CEP295: variants seen among roughly 807,000 people sequenced by gnomAD.
CEP295 encodes centrosomal protein of 295 kDa.
In CEP295, 190 loss-of-function variants were observed where a neutral mutation model predicts 291.6. That is an observed-to-expected ratio of 0.65 (90% CI 0.58 to 0.73). The LOEUF is 0.73. Ranked by LOEUF, CEP295 falls within the 30% of genes least tolerant of loss-of-function variation. CEP295 has a pLI of 0.00. For synonymous variants in CEP295, 993 were observed against 1,038.8 expected (o/e 0.96, Z 0.85); for missense variants, 2,863 against 2,949.4 (o/e 0.97, Z 0.68).
At chr11:93,691,595 G>A (rs1267857605) in intron 10 of CEP295, 88 bp from the exon 11 acceptor site, 1 of 797,360 alleles carries the variant, frequency 1.3e-6, no homozygotes, top group African/African-American at 1.7e-5. Context: ...GCCCTAGATT[G>A]AATGTGTTAA....
intron 26 of CEP295, 27 bp downstream of exon 26, chr11:93,729,557 C>T (rs1261971652): frequency 1.0e-5 from 16 of 1,549,668 alleles, no homozygotes; most frequent in Non-Finnish European, 1.4e-5. Flanking sequence ...CTCCACACTT[C>T]TAATGGAAAG....
In CEP295 at chr11:93,668,956, A is replaced by G. The variant is rs1256413433; in HGVS notation, c.434+24A>G. On this transcript the variant is annotated intron_variant, in intron 4 of 29. Coordinates refer to ENST00000325212, the MANE Select transcript of CEP295 (RefSeq NM_033395.2). ...TGGTAAAGTAATAATTTTTACTATA[A>G]TCTCAACTGAAACTAACATGGTTGA... 3 of 989,212 alleles carry G rather than the reference A, an allele frequency of 3.0e-6. No individual in the cohort carries two copies. The Admixed American group carries it at 8.4e-5, about 28-fold the overall frequency. 61.3% of individuals were successfully genotyped at this position (989,212 alleles called of 1,614,324 possible).
chr11:93,724,949 C>T (rs935996606), intron 22 of CEP295, among the ~76,000 whole-genome samples: 1 of 151,974 alleles, frequency 6.6e-6, no homozygotes. Flanking sequence ...TAATGTGGAA[C>T]CAACTTTGAA....
Position 93,699,644 on chromosome 11 carries a change from A to G in CEP295, c.4732A>G (p.Ser1578Gly). The G allele has an allele frequency of 6.4e-7, 1 of 1,551,646 alleles. No individual in the cohort carries two copies. Among genetic ancestry groups the G allele is most frequent in the African/African-American group, 1.4e-5 (1 of 73,176 alleles). Residue 1578 changes from serine to glycine, a missense_variant, in exon 15 of 30, where the codon AGT becomes GGT. Around this residue, in one of 3 missense-constraint regions of CEP295, gnomAD observed 2,295 missense variants for 2,335.7 expected, o/e 0.98. Transcript: ENST00000325212. ...CAAAAGTAATGATACTCTTCCCTCAAGTCATCGTGAGATTCCAAGATTACA... is the reference window on the plus strand; with the variant it reads ...CAAAAGTAATGATACTCTTCCCTCAGGTCATCGTGAGATTCCAAGATTACA... Reference protein sequence around the residue: ...PTKSNDTLPSSHREIPRLQDR... With the variant: ...PTKSNDTLPSGHREIPRLQDR...
At chr11:93,673,958 T>TG (rs1360851362) in intron 5 of CEP295, among the ~76,000 whole-genome samples, 1 of 151,904 alleles carries the variant, frequency 6.6e-6, no homozygotes, top group African/African-American at 2.4e-5. Flanking sequence ...CCTTCTTTTT[T>TG]TTTTTTCTTT....
Position 93,727,434 on chromosome 11 carries a change from G to T in CEP295, c.6958G>T (p.Asp2320Tyr). 2 of 1,551,848 alleles carry T rather than the reference G, an allele frequency of 1.3e-6. No individual in the cohort carries two copies. The highest frequency in any genetic ancestry group is 1.7e-6 in the Non-Finnish European group (2 of 1,146,988). ...CATAAATCCACAGGTAGAGGAAACT[G>T]ACTCTCGATTATGTGTAAGAACAGT... Reference protein sequence around the residue: ...LDINPQVEETDSRLCVRTVEM... With the variant: ...LDINPQVEETYSRLCVRTVEM... The change falls in exon 24 of 30, where the codon GAC becomes TAC. Residue 2320 changes from aspartate (D) to tyrosine (Y), a missense_variant. By Grantham distance (160) the Asp-to-Tyr change is radical. Transcript: ENST00000325212.
chr11:93,727,235 A>G lies in CEP295; in HGVS notation c.6759A>G (p.Val2253=), dbSNP rs1263509652. ...DEANVFDQLN[V]QHSTPCGSNS... ...CTAATGTATTTGATCAGTTAAATGTACAGCATAGCACTCCATGTGGTTCTA... is the reference window on the plus strand; with the variant it reads ...CTAATGTATTTGATCAGTTAAATGTGCAGCATAGCACTCCATGTGGTTCTA... Residue 2253 remains valine (V), a synonymous_variant, in exon 24 of 30, where the codon GTA becomes GTG. Coordinates refer to ENST00000325212, the MANE Select transcript of CEP295 (RefSeq NM_033395.2). 2 of 1,551,752 alleles carry G rather than the reference A, an allele frequency of 1.3e-6. No individual in the cohort carries two copies. Among genetic ancestry groups the G allele is most frequent in the Non-Finnish European group, 1.7e-6 (2 of 1,146,972 alleles).
chr11:93,710,039 A>G (rs1285668374), intron 18 of CEP295, among the ~76,000 whole-genome samples: 1 of 152,034 alleles, frequency 6.6e-6, no homozygotes, highest in African/African-American at 2.4e-5. Context: ...TTTCTTGTGG[A>G]GTCTTTAGGT....
intron 3 of CEP295, among the ~76,000 whole-genome samples, 167 bp from the exon 4 acceptor site, chr11:93,668,641 C>G (rs535689774): frequency 6.6e-6 from 1 of 151,992 alleles, no homozygotes; most frequent in Non-Finnish European, 1.5e-5. Flanking sequence ...GTGTTTGTCC[C>G]CCCTAATATG....
rs756451357 is a variant in CEP295 at position 93,691,953 on chromosome 11, A to G, written c.1456A>G (p.Thr486Ala). Reference sequence around the variant, plus strand: ...AATAAATGAGACTCTGCCTATCACAACTGTAGCTCAGAGTTCAGTTCTACT... The same window carrying G: ...AATAAATGAGACTCTGCCTATCACAGCTGTAGCTCAGAGTTCAGTTCTACT... ...QEINETLPIT[T>A]VAQSSVLLHP... Residue 486 changes from threonine to alanine, a missense_variant, in exon 12 of 30, where the codon ACT becomes GCT. By Grantham distance (58) the Thr-to-Ala change is moderately conservative. Transcript: ENST00000325212. 337 of 1,545,648 alleles carry G rather than the reference A, an allele frequency of 2.2e-4. No homozygotes were observed. The highest frequency in any genetic ancestry group is 2.8e-4 in the Non-Finnish European group (318 of 1,142,142).
Position 93,730,118 on chromosome 11 carries a change from A to G in CEP295, c.7737A>G (p.Gln2579=), listed in dbSNP as rs1171474189. The change falls in exon 29 of 30, where the codon CAA becomes CAG. Residue 2579 remains glutamine (Q), a synonymous_variant. Transcript: ENST00000325212. ...AAACAAAACAAGAAGCTTATGCCCA[A>G]AACAGAGCAAGGGCAAAAGAATTCC... is the stretch of plus-strand genomic sequence containing the variant. The part of the protein sequence containing the change: ...EEKTKQEAYA[Q]NRARAKEFHK... 1 of 1,551,316 alleles carries G rather than the reference A, an allele frequency of 6.4e-7. No individual in the cohort carries two copies. Among genetic ancestry groups the G allele is most frequent in the Admixed American group, 2.0e-5 (1 of 50,932 alleles).
At chr11:93,719,944 A>G (rs1953572432) in intron 18 of CEP295, among the ~76,000 whole-genome samples, 1 of 152,186 alleles carries the variant, frequency 6.6e-6, no homozygotes, top group Non-Finnish European at 1.5e-5. Context: ...AGCTCAGAAT[A>G]CATGATTGTT....
chr11:93,715,450 G>C (rs1159898292), intron 18 of CEP295, among the ~76,000 whole-genome samples: 1 of 152,108 alleles, frequency 6.6e-6, no homozygotes, highest in Non-Finnish European at 1.5e-5. Context: ...TGGAATCGGG[G>C]ACTCCAAGAT....
chr11:93,725,892 A>G, intron 23 of CEP295, 61 bp downstream of exon 23: 1 of 1,413,096 alleles, frequency 7.1e-7, no homozygotes, highest in Non-Finnish European at 9.8e-7. Flanking sequence ...CCATTTCCTT[A>G]GAAATTAAGC....
chr11:93,699,903 A>G lies in CEP295; in HGVS notation c.4991A>G (p.Lys1664Arg), dbSNP rs1264367186. The change falls in exon 15 of 30, where the codon AAA becomes AGA. Residue 1664 changes from lysine (K) to arginine (R), a missense_variant. By Grantham distance (26) the Lys-to-Arg change is conservative (BLOSUM62 2). Around this residue, in one of 3 missense-constraint regions of CEP295, gnomAD observed 2,295 missense variants for 2,335.7 expected, o/e 0.98. Coordinates refer to ENST00000325212, the MANE Select transcript of CEP295 (RefSeq NM_033395.2). ...ATTCCACTACCTTTTGCAGAAGCTAAACCTAAAAGCACTTGTGAATTGTAT... is the reference window on the plus strand; with the variant it reads ...ATTCCACTACCTTTTGCAGAAGCTAGACCTAAAAGCACTTGTGAATTGTAT... ...SFIPLPFAEA[K>R]PKSTCELYSS... is the part of the protein sequence containing the mutation. The G allele has an allele frequency of 1.3e-6, 2 of 1,551,730 alleles. No individual in the cohort carries two copies. The highest frequency in any genetic ancestry group is 1.7e-6 in the Non-Finnish European group (2 of 1,147,022).
At chr11:93,725,618 G>T in intron 22 of CEP295, 33 bp from the exon 23 acceptor site, 3 of 1,502,514 alleles carry the variant, frequency 2.0e-6, no homozygotes, top group Non-Finnish European at 2.7e-6. Context: ...TACCTAATCA[G>T]TATTTCAGCC....
In CEP295 at chr11:93,697,863, G is replaced by A. The variant is rs1418141573; in HGVS notation, c.2951G>A (p.Arg984Lys). 1 of 1,551,624 alleles carries A rather than the reference G, an allele frequency of 6.4e-7. No individual in the cohort carries two copies. Among genetic ancestry groups the A allele is most frequent in the African/African-American group, 1.4e-5 (1 of 73,044 alleles). The change falls in exon 15 of 30, where the codon AGA (arginine) becomes AAA (lysine). Residue 984 changes from arginine to lysine, a missense_variant. Arg to Lys is a conservative substitution (Grantham distance 26). Around this residue, in one of 3 missense-constraint regions of CEP295, gnomAD observed 2,295 missense variants for 2,335.7 expected, o/e 0.98. Coordinates refer to ENST00000325212, the MANE Select transcript of CEP295 (RefSeq NM_033395.2). ...GTACATAAACAGAGTGAATTGGATA[G>A]AAGAGTATGTTCCGAACAGGCTGAG... ...LYVHKQSELD[R>K]RVCSEQAEPS...
chr11:93,688,857 T>C (rs2135015550), intron 10 of CEP295, among the ~76,000 whole-genome samples: 1 of 152,282 alleles, frequency 6.6e-6, no homozygotes, highest in Non-Finnish European at 1.5e-5. Flanking sequence ...ATATCTTAAA[T>C]TTCTTCAGAA....
At chr11:93,694,315 T>C (rs1263800706) in intron 12 of CEP295, among the ~76,000 whole-genome samples, 1 of 152,242 alleles carries the variant, frequency 6.6e-6, no homozygotes, top group Non-Finnish European at 1.5e-5. Flanking sequence ...CCCTAGTGGA[T>C]GCTTAATAGT....
Sources: gnomAD v4.1 joint callset for allele counts (sites outside exome capture counted in the v4.1 genomes callset) on GRCh38, gnomAD v4.1.1 for gene constraint, gnomAD v4.1.1 regional missense constraint, MANE v1.5 for transcripts, NCBI Gene and HGNC (gene_info 2026-07-23, HGNC 2026-07-21) for gene names.